The following ELP4 variants were observed in gnomAD, a reference collection of about 807,000 sequenced individuals.
ELP4 encodes elongator acetyltransferase complex subunit 4.
In ELP4, 51 loss-of-function variants were observed where a neutral mutation model predicts 48.9. The ratio of observed to expected loss-of-function variants is 1.04; its 90% CI spans 0.83 to 1.32. The LOEUF is 1.32. Among genes scored for constraint, ELP4 ranks in the 40% most tolerant of loss-of-function variants. The pLI, the probability that ELP4 is intolerant of heterozygous loss-of-function variation, is 0.00. For synonymous variants in ELP4, 210 were observed against 189.2 expected (o/e 1.11, Z -0.90); for missense variants, 519 against 514.6 (o/e 1.01, Z -0.08).
intron 7 of ELP4, among the ~76,000 whole-genome samples, chr11:31,644,683 G>C (rs1011734154): frequency 1.3e-5 from 2 of 151,624 alleles, no homozygotes; most frequent in African/African-American, 2.4e-5. Flanking sequence ...AGACCATTTA[G>C]TATTAATATT....
intron 5 of ELP4, among the ~76,000 whole-genome samples, chr11:31,623,566 CAAAT>C (rs1478583057): frequency 1.0e-4 from 15 of 149,310 alleles, no homozygotes; most frequent in Admixed American, 4.0e-4. Flanking sequence ...ATTTTGTTAC[CAAAT>C]AGTTTATTTT....
chr11:31,697,129 C>T (rs1165104709), intron 9 of ELP4, among the ~76,000 whole-genome samples: 3 of 152,064 alleles, frequency 2.0e-5, no homozygotes, highest in Admixed American at 6.6e-5. Flanking sequence ...AATATATATG[C>T]ACCCAATACA....
intron 9 of ELP4, among the ~76,000 whole-genome samples, chr11:31,754,303 G>A (rs530683803): frequency 5.9e-5 from 9 of 152,022 alleles, no homozygotes; most frequent in African/African-American, 2.2e-4. Flanking sequence ...ATTAAAATCC[G>A]TACTATTTAC....
At chr11:31,781,381 G>A (rs1253511500) in intron 9 of ELP4, among the ~76,000 whole-genome samples, 2 of 149,862 alleles carry the variant, frequency 1.3e-5, no homozygotes, top group African/African-American at 4.9e-5. Context: ...AAAATTAAAG[G>A]TTTCTTTCCG....
At chr11:31,724,065 C>G (rs1205245804) in intron 9 of ELP4, among the ~76,000 whole-genome samples, 2 of 152,160 alleles carry the variant, frequency 1.3e-5, no homozygotes, top group Non-Finnish European at 2.9e-5. Context: ...TGCTCTAACC[C>G]TCACCTCTAC....
At position 31,786,003 on chromosome 11, in the gene ELP4, C is replaced by T. The variant is rs1948591337; in HGVS notation, c.*2479C>T. On this transcript the variant is annotated 3_prime_UTR_variant, in exon 10 of 10. Coordinates refer to ENST00000640961, the MANE Select transcript of ELP4 (RefSeq NM_019040.5). The stretch of plus-strand genomic sequence containing the variant: ...CATTTCTTACACTAGATTTGCCTTT[C>T]TTTAACATGAGATAAATATTTTGAC... The T allele has an allele frequency of 9.9e-6, 2 of 201,848 alleles. No homozygotes were observed. Among genetic ancestry groups the T allele is most frequent in the East Asian group, 1.5e-4 (2 of 13,094 alleles). 12.5% of individuals were successfully genotyped at this position (201,848 alleles called of 1,614,324 possible).
At chr11:31,594,180 A>C (rs979582131) in intron 3 of ELP4, among the ~76,000 whole-genome samples, 6 of 152,180 alleles carry the variant, frequency 3.9e-5, no homozygotes, top group Non-Finnish European at 7.4e-5. Flanking sequence ...GAAGTTGGTC[A>C]CCTTCCAAAA....
At chr11:31,567,826 G>A (rs565356821) in intron 3 of ELP4, among the ~76,000 whole-genome samples, 13 of 152,268 alleles carry the variant, frequency 8.5e-5, no homozygotes, top group Admixed American at 3.3e-4. Flanking sequence ...CTAAAAAATG[G>A]TAACAGTTAT....
At chr11:31,628,910 A>C (rs1298798430) in intron 6 of ELP4, among the ~76,000 whole-genome samples, 1 of 152,124 alleles carries the variant, frequency 6.6e-6, no homozygotes, top group African/African-American at 2.4e-5. Context: ...TTCAAAAAAT[A>C]TTATTCCTAA....
chr11:31,612,208 A>G (rs750317770), intron 5 of ELP4, among the ~76,000 whole-genome samples: 1 of 152,164 alleles, frequency 6.6e-6, no homozygotes, highest in Non-Finnish European at 1.5e-5. Context: ...TGCAAAAAAA[A>G]TTAATAAAGA....
chr11:31,566,156 G>A (rs143520935), intron 3 of ELP4, among the ~76,000 whole-genome samples: 4,029 of 152,088 alleles, frequency 0.026, 167 homozygotes, highest in African/African-American at 0.091. Flanking sequence ...TCAGGAGTTC[G>A]AGACCAGCCT....
intron 3 of ELP4, among the ~76,000 whole-genome samples, chr11:31,593,701 C>G (rs1329105624): frequency 1.3e-5 from 2 of 152,160 alleles, no homozygotes; most frequent in Non-Finnish European, 1.5e-5. Context: ...CTGTATTACA[C>G]TATACTCTCA....
intron 9 of ELP4, among the ~76,000 whole-genome samples, chr11:31,696,115 C>T (rs1476186571): frequency 6.6e-6 from 1 of 151,988 alleles, no homozygotes; most frequent in Non-Finnish European, 1.5e-5. Context: ...TTTCAAAAAA[C>T]CAGCTCCTGG....
At chr11:31,536,648 G>A (rs752038854) in intron 2 of ELP4, among the ~76,000 whole-genome samples, 5 of 152,162 alleles carry the variant, frequency 3.3e-5, no homozygotes, top group Non-Finnish European at 7.3e-5. Flanking sequence ...CACCGCATCT[G>A]GTCTGCCAAA....
At chr11:31,698,071 C>A (rs373453007) in intron 9 of ELP4, among the ~76,000 whole-genome samples, 1 of 152,094 alleles carries the variant, frequency 6.6e-6, no homozygotes, top group Non-Finnish European at 1.5e-5. Flanking sequence ...GGCATTTGAA[C>A]AGCTGTTATA....
intron 2 of ELP4, among the ~76,000 whole-genome samples, chr11:31,521,218 T>A (rs1956209269): frequency 6.6e-6 from 1 of 151,950 alleles, no homozygotes; most frequent in Non-Finnish European, 1.5e-5. Context: ...AGAGTAATAA[T>A]ATTAGTAGTG....
intron 9 of ELP4, among the ~76,000 whole-genome samples, chr11:31,705,380 C>T (rs1347555426): frequency 1.3e-5 from 2 of 152,128 alleles, no homozygotes; most frequent in Non-Finnish European, 2.9e-5. Flanking sequence ...TGTCAAATAC[C>T]ATTAACATAT....
At chr11:31,754,967 A>G (rs1162896885) in intron 9 of ELP4, among the ~76,000 whole-genome samples, 8 of 152,154 alleles carry the variant, frequency 5.3e-5, no homozygotes, top group Admixed American at 5.2e-4. Flanking sequence ...TTTTCCAGTA[A>G]AAGAAACCAG....
chr11:31,707,019 G>A (rs1010904195), intron 9 of ELP4: 6 of 397,932 alleles, frequency 1.5e-5, no homozygotes, highest in Middle Eastern at 6.2e-4. Flanking sequence ...CTTAGCTATC[G>A]TGAATAGTGC....
Sources: allele counts gnomAD v4.1 joint callset (sites outside exome capture counted in the v4.1 genomes callset), GRCh38; gene constraint gnomAD v4.1.1; transcripts MANE v1.5; gene names NCBI Gene and HGNC (gene_info 2026-07-23, HGNC 2026-07-21).